The following MDFIC variants were observed in gnomAD, a reference collection of about 807,000 sequenced individuals.
The protein encoded by MDFIC is myoD family inhibitor domain-containing protein.
A neutral mutation model predicts 23.2 loss-of-function variants in MDFIC; 17 were observed. That is an observed-to-expected ratio of 0.73 (90% CI 0.50 to 1.10). MDFIC has a LOEUF of 1.10. MDFIC is among the 50% of genes least tolerant of loss of function. The pLI is 0.00. For synonymous variants in MDFIC, 120 were observed against 115.2 expected, an observed-to-expected ratio of 1.04 and a Z score of -0.27; for missense variants, 356 against 316.6, an observed-to-expected ratio of 1.12 and a Z score of -0.95.
intron 4 of MDFIC, among the ~76,000 whole-genome samples, chr7:114,984,749 A>G (rs1248445929): frequency 2.0e-5 from 3 of 152,340 alleles, no homozygotes; most frequent in African/African-American, 7.2e-5. Flanking sequence ...CATTAGACTC[A>G]AAGACACTTT....
chr7:114,937,937 A>G (rs951476388), intron 2 of MDFIC, among the ~76,000 whole-genome samples: 7 of 152,192 alleles, frequency 4.6e-5, no homozygotes, highest in Non-Finnish European at 1.5e-5. Flanking sequence ...ATTGATTAGC[A>G]TTATATATAA....
intron 3 of MDFIC, among the ~76,000 whole-genome samples, chr7:114,965,751 T>C (rs1793082523): frequency 6.6e-6 from 1 of 152,210 alleles, no homozygotes; most frequent in African/African-American, 2.4e-5. Flanking sequence ...TATTAGGTGC[T>C]CAATAAAAGT....
At chr7:114,997,191 C>T (rs1003474578) in intron 4 of MDFIC, among the ~76,000 whole-genome samples, 3 of 152,154 alleles carry the variant, frequency 2.0e-5, no homozygotes. Context: ...CTGGATTACT[C>T]TACCAAGGAG....
chr7:114,985,917 T>A (rs958212142), intron 4 of MDFIC, among the ~76,000 whole-genome samples: 3 of 152,196 alleles, frequency 2.0e-5, no homozygotes, highest in Middle Eastern at 3.4e-3. Flanking sequence ...CTTTTCTCTC[T>A]GTAATACAAA....
chr7:114,972,701 T>A (rs1245717494), intron 3 of MDFIC, among the ~76,000 whole-genome samples: 1 of 152,202 alleles, frequency 6.6e-6, no homozygotes, highest in Non-Finnish European at 1.5e-5. Context: ...TGATCATGGT[T>A]CACTATAACC....
At chr7:114,974,311 A>G (rs374011835) in intron 3 of MDFIC, among the ~76,000 whole-genome samples, 1 of 123,732 alleles carries the variant, frequency 8.1e-6, no homozygotes, top group South Asian at 2.6e-4. Context: ...ATATATATAT[A>G]TCTTCTACTA....
At chr7:114,953,311 CA>C (rs1024759926) in intron 3 of MDFIC, among the ~76,000 whole-genome samples, 18 of 151,578 alleles carry the variant, frequency 1.2e-4, no homozygotes, top group African/African-American at 2.9e-4. Context: ...CCCAATGAAA[CA>C]AAAAAATAGG....
chr7:114,962,001 G>C (rs1038790102), intron 3 of MDFIC, among the ~76,000 whole-genome samples: 4 of 152,092 alleles, frequency 2.6e-5, no homozygotes, highest in African/African-American at 9.7e-5. Flanking sequence ...TTTTAATAAT[G>C]ATGTTGATAA....
At chr7:114,939,764 A>G (rs897912941) in intron 2 of MDFIC, among the ~76,000 whole-genome samples, 6 of 152,222 alleles carry the variant, frequency 3.9e-5, no homozygotes, top group African/African-American at 1.4e-4. Context: ...TTAGTCAGCA[A>G]TGCTTCATAA....
At chr7:114,979,119 T>C (rs1585111339) in intron 3 of MDFIC, among the ~76,000 whole-genome samples, 1 of 152,174 alleles carries the variant, frequency 6.6e-6, no homozygotes, top group East Asian at 1.9e-4. Context: ...TTATTAGTAG[T>C]AGTATTGAGA....
chr7:114,982,580 A>C (rs932772771), intron 4 of MDFIC, among the ~76,000 whole-genome samples: 5 of 152,062 alleles, frequency 3.3e-5, no homozygotes, highest in Non-Finnish European at 7.4e-5. Flanking sequence ...CTGTAGTCTT[A>C]ACTACTCAGG....
At chr7:115,008,589 G>A (rs1391104643) in intron 4 of MDFIC, among the ~76,000 whole-genome samples, 1 of 152,174 alleles carries the variant, frequency 6.6e-6, no homozygotes, top group Non-Finnish European at 1.5e-5. Flanking sequence ...GGCTAGGGCT[G>A]TTGGCCAGAA....
At chr7:114,923,797 C>CT in intron 2 of MDFIC, 2 of 495,154 alleles carry the variant, frequency 4.0e-6, no homozygotes, top group South Asian at 1.1e-4. Context: ...AGGCAATATA[C>CT]TTTAGGTTTC....
At chr7:114,938,585 C>T (rs948390497) in intron 2 of MDFIC, among the ~76,000 whole-genome samples, 4 of 151,976 alleles carry the variant, frequency 2.6e-5, no homozygotes, top group East Asian at 1.9e-4. Flanking sequence ...AGCTGCACAG[C>T]GGTTCTAACC....
intron 4 of MDFIC, among the ~76,000 whole-genome samples, chr7:114,987,326 G>A (rs985525519): frequency 3.3e-5 from 5 of 151,980 alleles, no homozygotes; most frequent in South Asian, 2.1e-4. Flanking sequence ...AAGCTTTTCC[G>A]TTTTGCCTAT....
At chr7:114,962,151 A>G (rs1026110026) in intron 3 of MDFIC, among the ~76,000 whole-genome samples, 1 of 152,172 alleles carries the variant, frequency 6.6e-6, no homozygotes, top group African/African-American at 2.4e-5. Flanking sequence ...TCAGGGATCT[A>G]TACTCTTGTA....
chr7:115,014,366 A>AGTTATATGG (rs1315135829), intron 4 of MDFIC: 1 of 1,279,532 alleles, frequency 7.8e-7, no homozygotes, highest in Non-Finnish European at 1.0e-6. Flanking sequence ...ATCTACTTGC[A>AGTTATATGG]GTTATATGGC....
At chr7:114,988,548 A>T (rs1315336286) in intron 4 of MDFIC, among the ~76,000 whole-genome samples, 1 of 152,194 alleles carries the variant, frequency 6.6e-6, no homozygotes, top group Admixed American at 6.5e-5. Flanking sequence ...GGATTAAATG[A>T]GGTCCAGAGC....
chr7:114,948,608 T>A lies in MDFIC; in HGVS notation c.217+6211T>A, dbSNP rs540440190. 2.6e-5 allele frequency among the ~76,000 whole-genome samples: 4 copies of A among 152,272 alleles called. No homozygotes were observed. In the East Asian group the frequency reaches 7.7e-4, roughly 29 times the overall value. On this transcript the variant is annotated intron_variant, in intron 3 of 4. Transcript: ENST00000393486. ...CTCCCATTCTTTTGTCCTCCTTTTC[T>A]TCCTCTTTTCTTTTTTTCCTCTTTT...
Sources: allele counts gnomAD v4.1 joint callset (sites outside exome capture counted in the v4.1 genomes callset), GRCh38; gene constraint gnomAD v4.1.1; transcripts MANE v1.5; gene names NCBI Gene and HGNC (gene_info 2026-07-23, HGNC 2026-07-21).